The following NTRK3 variants were observed in gnomAD, a reference collection of about 807,000 sequenced individuals.
The protein encoded by NTRK3 is neurotrophic receptor tyrosine kinase 3.
A neutral mutation model predicts 91.7 loss-of-function variants in NTRK3; 24 were observed. The observed-to-expected ratio is 0.26, with a 90% CI of 0.19 to 0.37. The LOEUF (loss-of-function observed/expected upper bound fraction) is 0.37. NTRK3 is among the 10% of genes least tolerant of loss of function. NTRK3 has a pLI of 1.00. For missense variants in NTRK3, 880 were observed against 1,068.9 expected, an observed-to-expected ratio of 0.82 and a Z score of 2.46; for synonymous variants, 483 against 404.0, an observed-to-expected ratio of 1.20 and a Z score of -2.34.
intron 14 of NTRK3, among the ~76,000 whole-genome samples, chr15:88,007,505 C>T (rs762131188): frequency 1.1e-4 from 16 of 152,288 alleles, no homozygotes; most frequent in Non-Finnish European, 1.9e-4. Flanking sequence ...ACTAGAAAAA[C>T]GATCTGAAAT....
At chr15:87,951,862 C>T (rs2071137539) in intron 14 of NTRK3, among the ~76,000 whole-genome samples, 1 of 152,164 alleles carries the variant, frequency 6.6e-6, no homozygotes, top group Non-Finnish European at 1.5e-5. Context: ...TGTGGTGGCT[C>T]ACACCTGTAA....
chr15:88,202,448 G>A (rs1370209039), intron 3 of NTRK3, among the ~76,000 whole-genome samples: 3 of 152,224 alleles, frequency 2.0e-5, no homozygotes, highest in Admixed American at 6.5e-5. Context: ...ATTCTCTAAA[G>A]CAGAAACCTC....
At chr15:88,022,029 T>C (rs1160377167) in intron 14 of NTRK3, among the ~76,000 whole-genome samples, 1 of 152,164 alleles carries the variant, frequency 6.6e-6, no homozygotes, top group Non-Finnish European at 1.5e-5. Context: ...AGCCCTTCCC[T>C]TACCCTGCAT....
chr15:88,077,507 A>C (rs1486269480), intron 13 of NTRK3, among the ~76,000 whole-genome samples: 4 of 151,794 alleles, frequency 2.6e-5, no homozygotes, highest in Middle Eastern at 3.2e-3. Flanking sequence ...GCAAATCAAA[A>C]CCTTGAGAAA....
At chr15:87,989,565 T>G (rs2141471474) in intron 14 of NTRK3, among the ~76,000 whole-genome samples, 1 of 152,178 alleles carries the variant, frequency 6.6e-6, no homozygotes, top group Non-Finnish European at 1.5e-5. Context: ...GACGAGTTAA[T>G]GGGTGCAGCA....
At chr15:88,040,775 C>T (rs535212351) in intron 13 of NTRK3, among the ~76,000 whole-genome samples, 22 of 151,370 alleles carry the variant, frequency 1.5e-4, no homozygotes, top group African/African-American at 5.4e-4. Flanking sequence ...CTGTGGTTTA[C>T]AAGAAAAGGA....
rs555592303 is a variant in NTRK3, at chr15:87,894,428, T to A, written c.2134-14000A>T. On this transcript the variant is annotated intron_variant, in intron 17 of 18. Transcript: ENST00000394480. The stretch of plus-strand genomic sequence containing the variant: ...TGGGGAGGTGGTTTAGATGGACATG[T>A]GTGTGTGACAATGCATGTGCATCGT... Among the ~76,000 whole-genome samples the A allele has an allele frequency of 4.0e-4, 61 of 152,300 alleles. 1 individual carries two copies. Among genetic ancestry groups the A allele is most frequent in the Non-Finnish European group, 6.5e-4 (44 of 68,024 alleles).
At chr15:87,990,142 T>G (rs559071065) in intron 14 of NTRK3, among the ~76,000 whole-genome samples, 2 of 152,322 alleles carry the variant, frequency 1.3e-5, no homozygotes, top group African/African-American at 2.4e-5. Context: ...CTTCAGCTAG[T>G]TGAGCGGCTT....
chr15:88,249,583 G>A (rs1456022715), intron 3 of NTRK3, among the ~76,000 whole-genome samples: 1 of 152,178 alleles, frequency 6.6e-6, no homozygotes, highest in African/African-American at 2.4e-5. Context: ...GAAGATGACT[G>A]CAGTGGTCCT....
intron 13 of NTRK3, among the ~76,000 whole-genome samples, chr15:88,069,377 A>G (rs921897640): frequency 1.3e-5 from 2 of 152,216 alleles, no homozygotes; most frequent in African/African-American, 4.8e-5. Context: ...AAGTTTTTCC[A>G]GAGTAGGGAA....
intron 13 of NTRK3, among the ~76,000 whole-genome samples, chr15:88,100,194 T>C (rs1256951217): frequency 6.6e-6 from 1 of 152,220 alleles, no homozygotes; most frequent in Non-Finnish European, 1.5e-5. Context: ...CCTAAGATTC[T>C]GTTGTGAAAG....
chr15:88,089,560 G>A (rs2048820909), intron 13 of NTRK3, among the ~76,000 whole-genome samples: 1 of 152,202 alleles, frequency 6.6e-6, no homozygotes, highest in Admixed American at 6.5e-5. Flanking sequence ...AAATGTCTAT[G>A]ACATATTAAT....
chr15:88,149,639 G>A (rs2043194307), intron 5 of NTRK3, among the ~76,000 whole-genome samples: 1 of 152,250 alleles, frequency 6.6e-6, no homozygotes, highest in Admixed American at 6.5e-5. Flanking sequence ...AAGAACTGCA[G>A]TGATGACCAC....
At chr15:87,979,280 T>G in intron 14 of NTRK3, 1 of 1,182,822 alleles carries the variant, frequency 8.5e-7, no homozygotes, top group Non-Finnish European at 1.3e-6. Flanking sequence ...GCCTAGAGCT[T>G]CCAACCTCTC....
chr15:87,887,419 AT>A (rs1232906373), intron 17 of NTRK3, among the ~76,000 whole-genome samples: 1 of 152,208 alleles, frequency 6.6e-6, no homozygotes, highest in African/African-American at 2.4e-5. Flanking sequence ...CAGTTTCCTT[AT>A]CTTCAAAATA....
At chr15:87,883,360 T>G (rs2065357767) in intron 17 of NTRK3, among the ~76,000 whole-genome samples, 1 of 148,092 alleles carries the variant, frequency 6.8e-6, no homozygotes, top group African/African-American at 2.4e-5. Flanking sequence ...ATATAAAAAT[T>G]TATAAAAATA....
chr15:88,143,374 C>T (rs538109860), intron 6 of NTRK3, among the ~76,000 whole-genome samples: 5 of 152,336 alleles, frequency 3.3e-5, no homozygotes, highest in African/African-American at 7.2e-5. Flanking sequence ...GAGGCAAGGA[C>T]GGGTTCTCCC....
chr15:88,105,829 G>A (rs571413352), intron 13 of NTRK3, among the ~76,000 whole-genome samples: 2 of 152,118 alleles, frequency 1.3e-5, no homozygotes, highest in Non-Finnish European at 2.9e-5. Flanking sequence ...CTTTCCATAT[G>A]TAATCCCAGT....
chr15:88,001,357 A>T (rs1400933491), intron 14 of NTRK3, among the ~76,000 whole-genome samples: 1 of 152,122 alleles, frequency 6.6e-6, no homozygotes, highest in Non-Finnish European at 1.5e-5. Context: ...TCTGATATAT[A>T]TATTTTTTCT....
Sources: allele counts gnomAD v4.1 joint callset (sites outside exome capture counted in the v4.1 genomes callset), GRCh38; gene constraint gnomAD v4.1.1; transcripts MANE v1.5; gene names NCBI Gene and HGNC (gene_info 2026-07-23, HGNC 2026-07-21).